Variants in SCRN3 observed in about 807,000 individuals in gnomAD.
SCRN3 encodes secernin 3, also known as secernin-3.
SCRN3 carries 39 observed loss-of-function variants against 43.1 expected under a neutral mutation model. The ratio of observed to expected loss-of-function variants is 0.91; its 90% CI spans 0.70 to 1.18. The LOEUF (loss-of-function observed/expected upper bound fraction) is 1.18. Ranked by LOEUF, SCRN3 falls within the 50% of genes most tolerant of loss-of-function variation. The pLI, the probability that SCRN3 is intolerant of heterozygous loss-of-function variation, is 0.00. For missense variants in SCRN3, 484 were observed against 498.0 expected, an observed-to-expected ratio of 0.97 and a Z score of 0.27; for synonymous variants, 147 against 163.1, an observed-to-expected ratio of 0.90 and a Z score of 0.75.
At chr2:174,395,858 C>T in intron 1 of SCRN3, 41 bp downstream of exon 1, 1 of 1,458,954 alleles carries the variant, frequency 6.9e-7, no homozygotes, top group Non-Finnish European at 9.1e-7. Context: ...ATAGTTGAGA[C>T]AGAAACCCGG....
intron 1 of SCRN3, chr2:174,397,513 C>A: frequency 2.2e-6 from 1 of 458,000 alleles, no homozygotes; most frequent in Non-Finnish European, 2.9e-6. Flanking sequence ...TTGTCTGAAT[C>A]AATGAGTCTG....
intron 2 of SCRN3, among the ~76,000 whole-genome samples, chr2:174,398,819 C>A (rs1177813706): frequency 6.6e-6 from 1 of 152,096 alleles, no homozygotes; most frequent in Admixed American, 6.5e-5. Flanking sequence ...ATTTAAGTAA[C>A]AGTAGCATGC....
rs1488623572 is a variant in SCRN3 at position 174,395,759 on chromosome 2, G to A, written c.-68G>A. On this transcript the variant is annotated 5_prime_UTR_variant, in exon 1 of 8. An upstream start codon of the reference 5' UTR is lost. Coordinates refer to ENST00000272732, the MANE Select transcript of SCRN3 (RefSeq NM_024583.5). ...AAGGTGACAGCTTCCGGCAACTGAT[G>A]CCTCCACTGGCCACTCCTCCCTCCG... The A allele has an allele frequency of 6.3e-7, 1 of 1,581,780 alleles. No individual in the cohort carries two copies. Among genetic ancestry groups the A allele is most frequent in the Non-Finnish European group, 8.6e-7 (1 of 1,163,312 alleles).
chr2:174,415,334 TAAG>T (rs1340471012), intron 5 of SCRN3, among the ~76,000 whole-genome samples: 5 of 151,658 alleles, frequency 3.3e-5, no homozygotes, highest in African/African-American at 9.7e-5. Flanking sequence ...CAAAGAGAAA[TAAG>T]AAAAAAAATG....
intron 7 of SCRN3, among the ~76,000 whole-genome samples, chr2:174,425,438 A>G (rs1458299213): frequency 1.3e-5 from 2 of 152,052 alleles, no homozygotes; most frequent in African/African-American, 4.8e-5. Context: ...GTCTGTTTCT[A>G]CCTCCTGGTT....
intron 5 of SCRN3, among the ~76,000 whole-genome samples, chr2:174,422,555 A>G (rs55969696): frequency 0.19 from 29,079 of 149,988 alleles, 3,301 homozygotes; most frequent in Middle Eastern, 0.39. Flanking sequence ...GCCTGACAGA[A>G]CAAGACTCTG....
At position 174,424,574 on chromosome 2, in the gene SCRN3, A is replaced by G. The variant is rs1686416939; in HGVS notation, c.1017A>G (p.Ser339=). 1.2e-6 allele frequency: 2 copies of G among 1,613,530 alleles called. No individual in the cohort carries two copies. The highest frequency in any genetic ancestry group is 1.7e-6 in the Non-Finnish European group (2 of 1,179,600). Residue 339 remains serine, a synonymous_variant, in exon 7 of 8, where the codon TCA becomes TCG. Transcript: ENST00000272732. ...TTGAAGATCTAGTTAAAAAGAAATC[A>G]CATTTTAAGCCTGACAGAAGACACC... ...FELEDLVKKK[S]HFKPDRRHPL... is the part of the protein sequence containing the mutation.
chr2:174,427,616 C>A, intron 7 of SCRN3, 97 bp from the exon 8 acceptor site: 1 of 587,086 alleles, frequency 1.7e-6, no homozygotes, highest in Non-Finnish European at 2.7e-6. Context: ...CAATCAGAAG[C>A]CAGCATGAAC....
intron 6 of SCRN3, among the ~76,000 whole-genome samples, chr2:174,423,887 C>T (rs181371645): frequency 1.3e-5 from 2 of 149,746 alleles, no homozygotes; most frequent in Non-Finnish European, 3.0e-5. Context: ...CTCCTGGGCT[C>T]GAGTGATCCT....
chr2:174,418,412 C>T (rs970380127), intron 5 of SCRN3, among the ~76,000 whole-genome samples: 12 of 152,180 alleles, frequency 7.9e-5, no homozygotes, highest in Non-Finnish European at 4.4e-5. Context: ...GTTAACTGTG[C>T]TGCATGTATA....
At chr2:174,414,475 G>A (rs909511310) in intron 5 of SCRN3, among the ~76,000 whole-genome samples, 1 of 151,984 alleles carries the variant, frequency 6.6e-6, no homozygotes, top group Non-Finnish European at 1.5e-5. Flanking sequence ...CATAACTTTA[G>A]TTAGCAATAT....
Position 174,398,150 on chromosome 2 carries a change from C to A in SCRN3, c.-9-125C>A, listed in dbSNP as rs1012543445. 6.9e-5 allele frequency: 40 copies of A among 583,418 alleles called. 2 individuals carry two copies. The South Asian group carries it at 1.2e-3, about 17-fold the overall frequency. The allele number at this position is 583,418 out of a possible 1,614,324, so 36.1% of individuals were successfully genotyped here. On this transcript the variant is annotated intron_variant, in intron 1 of 7. Coordinates refer to ENST00000272732, the MANE Select transcript of SCRN3 (RefSeq NM_024583.5). Reference sequence around the variant, plus strand: ...CTCCAAAAAATAAAAATAAAAAAATCAAAGCTTTAATGAACATCCTTAATT... The same window carrying A: ...CTCCAAAAAATAAAAATAAAAAAATAAAAGCTTTAATGAACATCCTTAATT...
chr2:174,401,162 A>G lies in SCRN3; in HGVS notation c.514A>G (p.Lys172Glu), dbSNP rs762114882. ...AGCCTGGATTCTGGAGACTGCAGGG[A>G]AGTACTGGGCAGCAGAAAAAGTACA... ...NEAWILETAG[K>E]YWAAEKVQEG... Residue 172 changes from lysine to glutamate, a missense_variant, in exon 4 of 8, where the codon AAG (lysine) becomes GAG (glutamate). Physicochemically the swap from Lys to Glu is moderately conservative, Grantham distance 56. Transcript: ENST00000272732. 1.9e-6 allele frequency: 3 copies of G among 1,613,916 alleles called. No homozygotes were observed. The highest frequency in any genetic ancestry group is 1.7e-6 in the Non-Finnish European group (2 of 1,179,882).
At chr2:174,401,895 A>G (rs1263898844) in intron 4 of SCRN3, among the ~76,000 whole-genome samples, 1 of 152,194 alleles carries the variant, frequency 6.6e-6, no homozygotes, top group African/African-American at 2.4e-5. Flanking sequence ...TTTACTAGAG[A>G]GATAAGATAC....
At position 174,401,650 on chromosome 2, in the gene SCRN3, AAAC is replaced by A. The variant is rs1384871854; in HGVS notation, c.541+466_541+468del. 3.9e-5 allele frequency among the ~76,000 whole-genome samples: 6 copies of A among 152,346 alleles called. No individual in the cohort carries two copies. The Middle Eastern group carries it at 0.01, about 259-fold the overall frequency. ...CACAAAAGTTTGATATCTTTGAATAAAACAACATTATTTGATTGTTTTAGAATG... is the reference window on the plus strand; with the variant it reads ...CACAAAAGTTTGATATCTTTGAATAAAACATTATTTGATTGTTTTAGAATG... On this transcript the variant is annotated intron_variant, in intron 4 of 7. Coordinates refer to ENST00000272732, the MANE Select transcript of SCRN3 (RefSeq NM_024583.5).
intron 5 of SCRN3, among the ~76,000 whole-genome samples, chr2:174,421,880 C>T (rs76759273): frequency 0.067 from 10,178 of 151,992 alleles, 421 homozygotes; most frequent in Middle Eastern, 0.15. Context: ...GTCCTGCTTG[C>T]GTTAATTGGT....
chr2:174,424,338 A>G (rs534351881), intron 6 of SCRN3, 137 bp from the exon 7 acceptor site: 6 of 638,660 alleles, frequency 9.4e-6, no homozygotes, highest in South Asian at 6.9e-5. Flanking sequence ...CATGGGTATA[A>G]CTAATGTGAC....
At chr2:174,408,762 T>C (rs1270669526) in intron 5 of SCRN3, among the ~76,000 whole-genome samples, 1 of 142,974 alleles carries the variant, frequency 7.0e-6, no homozygotes, top group Non-Finnish European at 1.5e-5. Context: ...AAAATTCTTT[T>C]GTTTAAGAAT....
intron 6 of SCRN3, 117 bp downstream of exon 6, chr2:174,423,164 A>T (rs1169954522): frequency 1.7e-5 from 12 of 717,810 alleles, no homozygotes; most frequent in Non-Finnish European, 2.6e-5. Flanking sequence ...AATAATTTTT[A>T]ATATATTTTC....
Sources: gnomAD v4.1 joint callset for allele counts (sites outside exome capture counted in the v4.1 genomes callset) on GRCh38, gnomAD v4.1.1 for gene constraint, MANE v1.5 for transcripts, NCBI Gene and HGNC (gene_info 2026-07-23, HGNC 2026-07-21) for gene names.